Variants in UBE2E3 observed in about 807,000 individuals in gnomAD.
UBE2E3 encodes the protein ubiquitin-conjugating enzyme E2 E3.
UBE2E3 carries 5 observed loss-of-function variants against 23.6 expected under a neutral mutation model. The ratio of observed to expected loss-of-function variants is 0.21; its 90% CI spans 0.11 to 0.44. The LOEUF is 0.44. Ranked by LOEUF, UBE2E3 falls within the 20% of genes least tolerant of loss-of-function variation. The pLI is 0.99. For missense variants in UBE2E3, 81 were observed against 249.8 expected (o/e 0.32, Z 4.55); for synonymous variants, 78 against 87.5 (o/e 0.89, Z 0.60).
At chr2:180,988,412 C>T (rs768341505) in intron 3 of UBE2E3, among the ~76,000 whole-genome samples, 1 of 152,092 alleles carries the variant, frequency 6.6e-6, no homozygotes, top group African/African-American at 2.4e-5. Context: ...CATAGATGAA[C>T]AAATATTGTA....
At chr2:181,030,609 T>C (rs781314600) in intron 3 of UBE2E3, among the ~76,000 whole-genome samples, 5 of 152,158 alleles carry the variant, frequency 3.3e-5, no homozygotes, top group Non-Finnish European at 7.3e-5. Flanking sequence ...TTTTTATTTT[T>C]GATTCTCAGA....
chr2:181,004,592 C>T (rs1685088845), intron 3 of UBE2E3, among the ~76,000 whole-genome samples: 1 of 151,912 alleles, frequency 6.6e-6, no homozygotes, highest in South Asian at 2.1e-4. Context: ...GAGATTGTGC[C>T]ACCGCACCCC....
intron 3 of UBE2E3, among the ~76,000 whole-genome samples, chr2:181,001,007 T>C (rs79883669): frequency 0.012 from 1,839 of 152,304 alleles, 35 homozygotes; most frequent in Middle Eastern, 0.037. Flanking sequence ...ATATCAGTAA[T>C]GAAGATATTA....
intron 3 of UBE2E3, among the ~76,000 whole-genome samples, chr2:181,053,371 C>T (rs914705909): frequency 5.3e-5 from 8 of 151,592 alleles, no homozygotes; most frequent in Non-Finnish European, 1.0e-4. Flanking sequence ...TTCTATGGTC[C>T]AAATGTGTTT....
At chr2:181,042,977 C>A (rs1025162816) in intron 3 of UBE2E3, among the ~76,000 whole-genome samples, 1 of 152,070 alleles carries the variant, frequency 6.6e-6, no homozygotes, top group Non-Finnish European at 1.5e-5. Flanking sequence ...TTTATTGTTA[C>A]AAGAAAGATT....
chr2:181,001,088 G>T (rs1275017268), intron 3 of UBE2E3, among the ~76,000 whole-genome samples: 2 of 152,086 alleles, frequency 1.3e-5, no homozygotes, highest in Non-Finnish European at 2.9e-5. Flanking sequence ...AAACAACTTG[G>T]GACAATTTGC....
At chr2:181,000,773 C>A (rs946942008) in intron 3 of UBE2E3, among the ~76,000 whole-genome samples, 2 of 152,126 alleles carry the variant, frequency 1.3e-5, no homozygotes, top group Non-Finnish European at 2.9e-5. Context: ...CCAGGATGGT[C>A]TCGATCTCCT....
At chr2:181,043,361 A>G (rs1435980641) in intron 3 of UBE2E3, among the ~76,000 whole-genome samples, 4 of 152,206 alleles carry the variant, frequency 2.6e-5, no homozygotes, top group Admixed American at 6.5e-5. Context: ...TGGCTGAGAT[A>G]CAGTGCTTTC....
intron 3 of UBE2E3, among the ~76,000 whole-genome samples, chr2:180,986,425 AGT>A (rs1350949608): frequency 1.3e-5 from 2 of 152,056 alleles, no homozygotes; most frequent in Non-Finnish European, 2.9e-5. Context: ...TGGAATACTG[AGT>A]GTTTAGTAAA....
At chr2:181,022,013 T>C (rs1685717967) in intron 3 of UBE2E3, among the ~76,000 whole-genome samples, 2 of 152,156 alleles carry the variant, frequency 1.3e-5, no homozygotes, top group African/African-American at 4.8e-5. Context: ...CTTAAAACTT[T>C]TGTGAAGGTA....
chr2:181,060,194 G>T (rs995584175), intron 4 of UBE2E3, among the ~76,000 whole-genome samples: 1 of 151,620 alleles, frequency 6.6e-6, no homozygotes, highest in South Asian at 2.1e-4. Flanking sequence ...ATTTTCTAAC[G>T]TTTGGTAAGA....
chr2:180,993,665 G>C (rs1684739516), intron 3 of UBE2E3, among the ~76,000 whole-genome samples: 1 of 152,022 alleles, frequency 6.6e-6, no homozygotes, highest in African/African-American at 2.4e-5. Flanking sequence ...TTTGTAGTTA[G>C]TTTTGCCATT....
chr2:181,052,598 T>C (rs1686873191), intron 3 of UBE2E3, among the ~76,000 whole-genome samples: 1 of 151,732 alleles, frequency 6.6e-6, no homozygotes, highest in South Asian at 2.1e-4. Context: ...TGCAGGCAGT[T>C]ATCATTGAGA....
At chr2:181,039,432 A>G (rs2105662671) in intron 3 of UBE2E3, among the ~76,000 whole-genome samples, 1 of 152,202 alleles carries the variant, frequency 6.6e-6, no homozygotes, top group South Asian at 2.1e-4. Flanking sequence ...TGGGAGGGCG[A>G]CTTATAACTA....
intron 3 of UBE2E3, among the ~76,000 whole-genome samples, chr2:180,999,773 A>G (rs1684939199): frequency 2.0e-5 from 3 of 152,218 alleles, no homozygotes; most frequent in Non-Finnish European, 4.4e-5. Context: ...GAGTAACTGT[A>G]AAAGCTTGAG....
At chr2:180,986,695 G>A (rs1290254275) in intron 3 of UBE2E3, among the ~76,000 whole-genome samples, 1 of 151,964 alleles carries the variant, frequency 6.6e-6, no homozygotes, top group Non-Finnish European at 1.5e-5. Context: ...TTTGGCTTTC[G>A]TGTGTAGTTA....
At chr2:181,011,788 T>C (rs1231978841) in intron 3 of UBE2E3, among the ~76,000 whole-genome samples, 1 of 152,196 alleles carries the variant, frequency 6.6e-6, no homozygotes. Context: ...TTTTGGCTTT[T>C]AAAATGAATG....
chr2:181,055,004 T>A (rs1686949362), intron 3 of UBE2E3, among the ~76,000 whole-genome samples: 1 of 151,802 alleles, frequency 6.6e-6, no homozygotes, highest in Non-Finnish European at 1.5e-5. Flanking sequence ...CAAATGTTGC[T>A]GGACCAGTCA....
intron 3 of UBE2E3, among the ~76,000 whole-genome samples, chr2:181,036,766 G>T (rs140808366): frequency 1.8e-3 from 277 of 152,226 alleles, no homozygotes; most frequent in Middle Eastern, 0.01. Context: ...TGTATGTATA[G>T]CTCACATTTA....
Sources: allele counts gnomAD v4.1 joint callset (sites outside exome capture counted in the v4.1 genomes callset), GRCh38; gene constraint gnomAD v4.1.1; transcripts MANE v1.5; gene names NCBI Gene and HGNC (gene_info 2026-07-23, HGNC 2026-07-21).